The following MFHAS1 variants were observed in gnomAD, a reference collection of about 807,000 sequenced individuals.
MFHAS1 encodes the protein malignant fibrous histiocytoma-amplified sequence 1.
In MFHAS1, 50 loss-of-function variants were observed where a neutral mutation model predicts 70.4. The observed-to-expected ratio is 0.71, with a 90% confidence interval of 0.57 to 0.90. The LOEUF is 0.90. MFHAS1 is among the 40% of genes least tolerant of loss of function. MFHAS1 has a pLI of 0.00. For synonymous variants in MFHAS1, 952 were observed against 620.0 expected (o/e 1.54, Z -7.96); for missense variants, 1,795 against 1,347.6 (o/e 1.33, Z -5.20).
At chr8:8,875,538 G>C (rs1277960079) in intron 1 of MFHAS1, among the ~76,000 whole-genome samples, 3 of 152,170 alleles carry the variant, frequency 2.0e-5, no homozygotes, top group African/African-American at 7.2e-5. Context: ...AGCAAAATGT[G>C]TAGTGATTAC....
At chr8:8,863,798 G>C in intron 1 of MFHAS1, among the ~76,000 whole-genome samples, 1 of 152,098 alleles carries the variant, frequency 6.6e-6, no homozygotes, top group East Asian at 1.9e-4. Flanking sequence ...AATGAGCTTA[G>C]AAATTGACCC....
Position 8,892,066 on chromosome 8 carries a change from G to A in MFHAS1, c.993C>T (p.Ile331=), listed in dbSNP as rs575859789. The A allele has an allele frequency of 8.7e-5, 140 of 1,613,408 alleles. 2 individuals are homozygous for A. In the South Asian group the frequency reaches 1.4e-3, roughly 16 times the overall value. ...CCACGATGGAGTCCGGCAGGTAGCG[G>A]ATGCGGTTATTATCCAGCCACAAGG... ...LLTLWLDNNR[I]RYLPDSIVEL... Residue 331 remains isoleucine, a synonymous_variant, in exon 1 of 3, where the codon ATC becomes ATT. Coordinates refer to ENST00000276282, the MANE Select transcript of MFHAS1 (RefSeq NM_004225.3). This position sits in a 1 kb window ranked among gnomAD's most constrained non-coding sequence, Gnocchi z 4.7.
At chr8:8,801,849 C>A (rs75525911) in intron 1 of MFHAS1, among the ~76,000 whole-genome samples, 20,721 of 152,006 alleles carry the variant, frequency 0.14, 1,861 homozygotes, top group Non-Finnish European at 0.2. Flanking sequence ...ATGATGAGGC[C>A]CCCAAGGAAA....
chr8:8,822,682 G>A (rs1349913340), intron 1 of MFHAS1, among the ~76,000 whole-genome samples: 2 of 141,884 alleles, frequency 1.4e-5, no homozygotes, highest in South Asian at 2.6e-4. Flanking sequence ...CGGGGACAGG[G>A]ACCAAGTCAG....
intron 1 of MFHAS1, among the ~76,000 whole-genome samples, chr8:8,876,133 T>A (rs567799465): frequency 1.8e-4 from 28 of 152,222 alleles, no homozygotes; most frequent in Middle Eastern, 3.4e-3. Flanking sequence ...AACTCAATCT[T>A]CAGAACCAAC....
chr8:8,806,005 G>A (rs1806275986), intron 1 of MFHAS1, among the ~76,000 whole-genome samples: 1 of 151,128 alleles, frequency 6.6e-6, no homozygotes, highest in African/African-American at 2.5e-5. Flanking sequence ...TGGCCGTTTG[G>A]GGGTTTGTTT....
At chr8:8,802,945 A>G (rs938310936) in intron 1 of MFHAS1, among the ~76,000 whole-genome samples, 18 of 152,334 alleles carry the variant, frequency 1.2e-4, no homozygotes, top group African/African-American at 4.3e-4. Context: ...GACTTACCCA[A>G]GGTATGCAGG....
intron 1 of MFHAS1, among the ~76,000 whole-genome samples, chr8:8,858,453 G>A (rs914812448): frequency 4.6e-5 from 7 of 152,152 alleles, no homozygotes; most frequent in East Asian, 1.9e-4. Context: ...TGGAGCCTAG[G>A]AAGGGTTCAA....
intron 1 of MFHAS1, among the ~76,000 whole-genome samples, chr8:8,848,714 C>T (rs191650254): frequency 4.5e-4 from 69 of 152,236 alleles, no homozygotes; most frequent in African/African-American, 1.3e-3. Flanking sequence ...TTGGTCCTTA[C>T]ATTAGGACGT....
chr8:8,832,627 C>CTTTTTTT (rs137896964), intron 1 of MFHAS1, among the ~76,000 whole-genome samples: 1 of 121,906 alleles, frequency 8.2e-6, no homozygotes, highest in Non-Finnish European at 1.6e-5. Context: ...GAATTTTTTT[C>CTTTTTTT]TTTTTTTTTT....
At position 8,892,872 on chromosome 8, in the gene MFHAS1, C is replaced by T. The variant is rs745526921; in HGVS notation, c.187G>A (p.Gly63Arg). 249 of 1,587,486 alleles carry T rather than the reference C, an allele frequency of 1.6e-4. 1 individual carries two copies. The highest frequency in any genetic ancestry group is 1.5e-3 in the Middle Eastern group (9 of 5,914). ...SPQLVLPANL[G>R]DIEALNLGNN... Reference sequence around the variant, plus strand: ...CCCAGGTTCAGTGCCTCAATGTCCCCGAGGTTGGCCGGCAGCACGAGCTGG... The same window carrying T: ...CCCAGGTTCAGTGCCTCAATGTCCCTGAGGTTGGCCGGCAGCACGAGCTGG... Residue 63 changes from glycine (G) to arginine (R), a missense_variant, in exon 1 of 3, where the codon GGG (glycine) becomes AGG (arginine). Physicochemically the swap from Gly to Arg is moderately radical, Grantham distance 125. Transcript: ENST00000276282. The surrounding 1 kb of genome is among the most constrained non-coding windows in gnomAD (Gnocchi z 4.7).
At position 8,785,933 on chromosome 8, in the gene MFHAS1, G is replaced by T; in HGVS notation, c.*89C>A. Reference sequence around the variant, plus strand: ...CACTCAAGTTCACAGAACACGCTGGGGTGAGTGCAGAGGGTCTGCCAGGTG... The same window carrying T: ...CACTCAAGTTCACAGAACACGCTGGTGTGAGTGCAGAGGGTCTGCCAGGTG... On this transcript the variant is annotated 3_prime_UTR_variant, in exon 3 of 3. Transcript: ENST00000276282. 3.7e-6 allele frequency: 5 copies of T among 1,360,388 alleles called. No individual in the cohort carries two copies. The highest frequency in any genetic ancestry group is 5.3e-6 in the Non-Finnish European group (5 of 949,210). The allele number at this position is 1,360,388 out of a possible 1,614,324, so 84.3% of individuals were successfully genotyped here. A position where few individuals can be genotyped will look rare whatever the true frequency, so the allele number is the denominator to read the frequency against.
At chr8:8,875,055 C>T (rs1809238155) in intron 1 of MFHAS1, among the ~76,000 whole-genome samples, 2 of 152,020 alleles carry the variant, frequency 1.3e-5, no homozygotes, top group South Asian at 4.2e-4. Context: ...ATATTGTTTC[C>T]ATTAAACGGT....
In MFHAS1 at chr8:8,858,093, C is replaced by A. The variant is rs532644610; in HGVS notation, c.2998+31968G>T. Among the ~76,000 whole-genome samples, 3 of 152,326 alleles carry A rather than the reference C, an allele frequency of 2.0e-5. No individual in the cohort carries two copies. In the South Asian group the frequency reaches 6.2e-4, roughly 32 times the overall value. Reference sequence around the variant, plus strand: ...CCACGCCTGACAGCCTTTGACCTATCCCAAAGCAACAGCCATCTGTCTAGT... The same window carrying A: ...CCACGCCTGACAGCCTTTGACCTATACCAAAGCAACAGCCATCTGTCTAGT... On this transcript the variant is annotated intron_variant, in intron 1 of 2. Coordinates refer to ENST00000276282, the MANE Select transcript of MFHAS1 (RefSeq NM_004225.3).
chr8:8,886,187 CT>C (rs539238869), intron 1 of MFHAS1, among the ~76,000 whole-genome samples: 473 of 143,660 alleles, frequency 3.3e-3, no homozygotes, highest in South Asian at 9.8e-3. Context: ...CCAATCATTT[CT>C]TTTTTTTTTT....
intron 1 of MFHAS1, among the ~76,000 whole-genome samples, chr8:8,886,698 G>A (rs542666420): frequency 4.6e-5 from 7 of 152,254 alleles, no homozygotes; most frequent in Non-Finnish European, 1.0e-4. Context: ...ACATCCCAAA[G>A]TTAAGAAAAT....
Position 8,891,094 on chromosome 8 carries a change from TA to T in MFHAS1, c.1964del (p.Leu655TyrfsTer27), listed in dbSNP as rs1192721175. ...GCCAGGATCGAGGCAGTACTCTGTGTAAGTTGGGGAAGATCTCTCGGTGCTC... is the reference window on the plus strand; with the variant it reads ...GCCAGGATCGAGGCAGTACTCTGTGTAGTTGGGGAAGATCTCTCGGTGCTC... ...VAEHREIFPN[L>X]HRVLPRSWQV... On this transcript the variant is annotated frameshift_variant, in exon 1 of 3. Transcript: ENST00000276282. LOFTEE classifies it high-confidence loss of function. This position sits in a 1 kb window ranked among gnomAD's most constrained non-coding sequence, Gnocchi z 5.4. 1 of 1,613,858 alleles carries T rather than the reference TA, an allele frequency of 6.2e-7. No homozygotes were observed. The highest frequency in any genetic ancestry group is 1.1e-5 in the South Asian group (1 of 91,066).
Position 8,849,064 on chromosome 8 carries a change from C to CTTTTTTT in MFHAS1, c.2998+40990_2998+40996dup, listed in dbSNP as rs145250762. Among the ~76,000 whole-genome samples, 233 of 75,796 alleles carry CTTTTTTT rather than the reference C, an allele frequency of 3.1e-3. 15 individuals carry two copies. Among genetic ancestry groups the CTTTTTTT allele is most frequent in the African/African-American group, 9.6e-3 (200 of 20,918 alleles). The allele number at this position is 75,796 out of a possible 152,430, so 49.7% of individuals were successfully genotyped here. The stretch of plus-strand genomic sequence containing the variant: ...TCTGCAGCAATTAATTCCTTTTTAC[C>CTTTTTTT]TTTTTTTTTTTTTTTTTTTTTTTTT... On this transcript the variant is annotated intron_variant, in intron 1 of 2. Coordinates refer to ENST00000276282, the MANE Select transcript of MFHAS1 (RefSeq NM_004225.3).
At position 8,788,496 on chromosome 8, in the gene MFHAS1, T is replaced by C. The variant is rs533073541; in HGVS notation, c.3126-2441A>G. 3.2e-4 allele frequency among the ~76,000 whole-genome samples: 49 copies of C among 152,254 alleles called. No individual in the cohort carries two copies. In the South Asian group the frequency reaches 6.8e-3, roughly 21 times the overall value. On this transcript the variant is annotated intron_variant, in intron 2 of 2. Transcript: ENST00000276282. ...GAGTTTGAGACCAGCCTGGCCAACA[T>C]GGCAAAACCCTGTCTCTACTAAAAA...
Sources: allele counts gnomAD v4.1 joint callset (sites outside exome capture counted in the v4.1 genomes callset), GRCh38; gene constraint gnomAD v4.1.1; non-coding constraint Gnocchi (gnomAD v3.1); transcripts MANE v1.5; gene names NCBI Gene and HGNC (gene_info 2026-07-23, HGNC 2026-07-21).